MAGI1: variants seen among roughly 807,000 people sequenced by gnomAD.
MAGI1 encodes membrane-associated guanylate kinase, WW and PDZ domain-containing protein 1.
A neutral mutation model predicts 139.9 loss-of-function variants in MAGI1; 58 were observed. The observed-to-expected ratio is 0.41, with a 90% confidence interval of 0.34 to 0.52. The LOEUF is 0.52. Among genes scored for constraint, MAGI1 ranks in the 20% least tolerant of loss-of-function variants. The pLI, the probability that MAGI1 is intolerant of heterozygous loss-of-function variation, is 0.12. For synonymous variants in MAGI1, 812 were observed against 737.9 expected (o/e 1.10, Z -1.63); for missense variants, 1,874 against 1,901.6 (o/e 0.99, Z 0.27).
chr3:65,505,984 C>T (rs2077270259), intron 2 of MAGI1, among the ~76,000 whole-genome samples: 1 of 152,096 alleles, frequency 6.6e-6, no homozygotes, highest in South Asian at 2.1e-4. Flanking sequence ...TTAACAGCTG[C>T]TTTCATTAGT....
At chr3:65,438,458 A>G (rs1186488962) in intron 9 of MAGI1, among the ~76,000 whole-genome samples, 1 of 152,246 alleles carries the variant, frequency 6.6e-6, no homozygotes, top group Non-Finnish European at 1.5e-5. Context: ...CTAAAAGTCC[A>G]CACTTCACCA....
intron 1 of MAGI1, among the ~76,000 whole-genome samples, chr3:65,916,326 T>C (rs1477618448): frequency 6.6e-6 from 1 of 152,092 alleles, no homozygotes; most frequent in African/African-American, 2.4e-5. Context: ...GTCTCAGCCA[T>C]TGTATTAGTC....
chr3:65,806,278 A>C (rs2040848316), intron 1 of MAGI1, among the ~76,000 whole-genome samples: 1 of 151,888 alleles, frequency 6.6e-6, no homozygotes, highest in African/African-American at 2.4e-5. Context: ...AAAATACAAA[A>C]ATTAGCCGGG....
intron 1 of MAGI1, among the ~76,000 whole-genome samples, chr3:65,802,505 T>C (rs2040577365): frequency 6.6e-6 from 1 of 152,180 alleles, no homozygotes; most frequent in Non-Finnish European, 1.5e-5. Context: ...AAAAGTCCTT[T>C]AGAATTACTT....
At chr3:66,007,382 G>C (rs2067082140) in intron 1 of MAGI1, among the ~76,000 whole-genome samples, 1 of 152,138 alleles carries the variant, frequency 6.6e-6, no homozygotes, top group Admixed American at 6.5e-5. Context: ...GAAGAATTAG[G>C]AAGCCAAAAA....
At chr3:65,627,137 A>AG (rs1553682550) in intron 1 of MAGI1, among the ~76,000 whole-genome samples, 1 of 152,192 alleles carries the variant, frequency 6.6e-6, no homozygotes, top group Non-Finnish European at 1.5e-5. Flanking sequence ...ATATGTTTAG[A>AG]TACACAAATA....
chr3:65,701,396 G>A lies in MAGI1; in HGVS notation c.314-79308C>T, dbSNP rs543747446. 2.9e-4 allele frequency among the ~76,000 whole-genome samples: 44 copies of A among 152,238 alleles called. No individual in the cohort carries two copies. The South Asian group carries it at 8.7e-3, about 30-fold the overall frequency. On this transcript the variant is annotated intron_variant, in intron 1 of 22. Transcript: ENST00000402939. ...GCCTCCCAAGTAGCTAGGATTACAA[G>A]CATGCACCACCACACCCAGCTAATT...
chr3:66,018,891 T>C (rs1038647357), intron 1 of MAGI1, among the ~76,000 whole-genome samples: 3 of 152,208 alleles, frequency 2.0e-5, no homozygotes, highest in Non-Finnish European at 4.4e-5. Flanking sequence ...ACAGTGTGTC[T>C]CCATTGTTCC....
At chr3:65,824,515 TAAGA>T (rs1229587694) in intron 1 of MAGI1, among the ~76,000 whole-genome samples, 1 of 152,206 alleles carries the variant, frequency 6.6e-6, no homozygotes, top group African/African-American at 2.4e-5. Context: ...CTGGAGACCT[TAAGA>T]AAGCTGCATA....
At chr3:65,973,194 G>A (rs1324746577) in intron 1 of MAGI1, among the ~76,000 whole-genome samples, 2 of 151,896 alleles carry the variant, frequency 1.3e-5, no homozygotes, top group Non-Finnish European at 2.9e-5. Flanking sequence ...ATAAATAAAA[G>A]GCAATTTGTT....
chr3:65,591,013 G>C (rs922600602), intron 2 of MAGI1, among the ~76,000 whole-genome samples: 22 of 152,284 alleles, frequency 1.4e-4, no homozygotes, highest in Admixed American at 1.0e-3. Flanking sequence ...ACTCTCAGGA[G>C]TTTAACTTAC....
intron 1 of MAGI1, among the ~76,000 whole-genome samples, chr3:66,017,244 C>A (rs151277787): frequency 2.0e-5 from 3 of 152,188 alleles, no homozygotes; most frequent in Non-Finnish European, 4.4e-5. Context: ...TTAGTCAGTG[C>A]GGGAAGACGC....
At chr3:65,361,444 A>G in intron 21 of MAGI1, 107 bp from the exon 22 acceptor site, 1 of 1,023,510 alleles carries the variant, frequency 9.8e-7, no homozygotes, top group Non-Finnish European at 1.4e-6. Context: ...GGTGGCAGTG[A>G]CAAAAACAAA....
intron 5 of MAGI1, among the ~76,000 whole-genome samples, chr3:65,460,449 C>T (rs1207990075): frequency 1.3e-5 from 2 of 151,550 alleles, no homozygotes; most frequent in Non-Finnish European, 2.9e-5. Context: ...TTCAGGAGTT[C>T]TTAAATATAC....
chr3:65,605,019 C>A (rs1246281087), intron 2 of MAGI1, among the ~76,000 whole-genome samples: 1 of 152,172 alleles, frequency 6.6e-6, no homozygotes, highest in Non-Finnish European at 1.5e-5. Flanking sequence ...GAAAATGACT[C>A]ATGCCATGAA....
At chr3:66,007,981 C>T (rs2067120882) in intron 1 of MAGI1, among the ~76,000 whole-genome samples, 1 of 151,038 alleles carries the variant, frequency 6.6e-6, no homozygotes, top group Non-Finnish European at 1.5e-5. Context: ...ACTGCAACCT[C>T]CGCCTCCCAG....
chr3:65,898,621 A>C (rs1377109465), intron 1 of MAGI1, among the ~76,000 whole-genome samples: 1 of 152,168 alleles, frequency 6.6e-6, no homozygotes, highest in African/African-American at 2.4e-5. Flanking sequence ...ATTTTGAAAC[A>C]CTTAGTATAC....
intron 1 of MAGI1, among the ~76,000 whole-genome samples, chr3:65,914,341 A>G (rs1402249593): frequency 6.6e-6 from 1 of 152,144 alleles, no homozygotes; most frequent in African/African-American, 2.4e-5. Context: ...CTGTTAACTA[A>G]TTAATCTGAA....
At chr3:65,841,089 T>C (rs1432184509) in intron 1 of MAGI1, among the ~76,000 whole-genome samples, 1 of 152,212 alleles carries the variant, frequency 6.6e-6, no homozygotes, top group Admixed American at 6.5e-5. Flanking sequence ...ATTATTCCCC[T>C]AGACGTTTTT....
Sources: gnomAD v4.1 joint callset for allele counts (sites outside exome capture counted in the v4.1 genomes callset) on GRCh38, gnomAD v4.1.1 for gene constraint, MANE v1.5 for transcripts, NCBI Gene and HGNC (gene_info 2026-07-23, HGNC 2026-07-21) for gene names.